Variants in AHDC1 observed in about 807,000 individuals in gnomAD.
AHDC1 encodes transcription factor Gibbin.
A neutral mutation model predicts 87.9 loss-of-function variants in AHDC1; 7 were observed. The ratio of observed to expected loss-of-function variants is 0.08; its 90% CI spans 0.05 to 0.15. AHDC1 has a LOEUF of 0.15. Among genes scored for constraint, AHDC1 ranks in the 10% least tolerant of loss-of-function variants. AHDC1 has a pLI of 1.00. For missense variants in AHDC1, 1,841 were observed against 2,253.2 expected, an observed-to-expected ratio of 0.82 and a Z score of 3.70; for synonymous variants, 1,051 against 1,006.8, an observed-to-expected ratio of 1.04 and a Z score of -0.83.
At chr1:27,592,704 T>G (rs551535731) in intron 3 of AHDC1, among the ~76,000 whole-genome samples, 2 of 152,038 alleles carry the variant, frequency 1.3e-5, no homozygotes, top group East Asian at 1.9e-4. Context: ...CTGGACTCGG[T>G]TGCTCCATCT....
At chr1:27,541,405 G>A (rs555805697) in intron 8 of AHDC1, among the ~76,000 whole-genome samples, 7 of 151,920 alleles carry the variant, frequency 4.6e-5, no homozygotes. Flanking sequence ...TGCAACCTCC[G>A]GCTCCAGGGT....
chr1:27,580,901 C>A (rs1417499659), intron 3 of AHDC1, among the ~76,000 whole-genome samples: 1 of 151,864 alleles, frequency 6.6e-6, no homozygotes, highest in Non-Finnish European at 1.5e-5. Context: ...GTGGTGCCAT[C>A]TCAGCTCATT....
In AHDC1 at chr1:27,595,272, T is replaced by G. The variant is rs903239919; in HGVS notation, c.-629+8125A>C. On this transcript the variant is annotated intron_variant, in intron 3 of 8. Coordinates refer to ENST00000673934, the MANE Select transcript of AHDC1 (RefSeq NM_001371928.1). This position sits in a 1 kb window ranked among gnomAD's most constrained non-coding sequence, Gnocchi z 4.0. ...GGGATGATACCGGTGTTTGGGGAAG[T>G]GCTGAGCTATAGCTGGGAGAAACGT... is the stretch of plus-strand genomic sequence containing the variant. Among the ~76,000 whole-genome samples the G allele has an allele frequency of 6.6e-6, 1 of 151,626 alleles. No individual in the cohort carries two copies. Among genetic ancestry groups the G allele is most frequent in the Non-Finnish European group, 1.5e-5 (1 of 67,902 alleles).
chr1:27,591,097 G>A (rs902403374), intron 3 of AHDC1, among the ~76,000 whole-genome samples: 1 of 152,220 alleles, frequency 6.6e-6, no homozygotes, highest in African/African-American at 2.4e-5. Context: ...CCATCCATCA[G>A]CTGTTGCCAG....
At chr1:27,577,489 T>G (rs2088788497) in intron 3 of AHDC1, among the ~76,000 whole-genome samples, 1 of 151,960 alleles carries the variant, frequency 6.6e-6, no homozygotes, top group East Asian at 1.9e-4. Flanking sequence ...AGACTCAGCC[T>G]AGCCTCAGAG....
intron 3 of AHDC1, among the ~76,000 whole-genome samples, chr1:27,584,163 C>CA (rs949062512): frequency 2.3e-4 from 35 of 152,212 alleles, no homozygotes; most frequent in African/African-American, 7.7e-4. Context: ...AAGCAGCTCC[C>CA]AGGGGCTGGG....
intron 3 of AHDC1, among the ~76,000 whole-genome samples, chr1:27,585,336 T>A (rs2089024050): frequency 6.6e-6 from 1 of 150,418 alleles, no homozygotes; most frequent in Non-Finnish European, 1.5e-5. Context: ...AAAGGGCGGC[T>A]CCACCACATA....
chr1:27,597,312 G>A (rs984759682), intron 3 of AHDC1, among the ~76,000 whole-genome samples: 1 of 152,076 alleles, frequency 6.6e-6, no homozygotes, highest in African/African-American at 2.4e-5. Context: ...GAGTGTGAGG[G>A]TGGAGATTTA....
rs777509926 is a variant in AHDC1 at position 27,551,471 on chromosome 1, A to T, written c.645T>A (p.Ser215Arg). 18 of 1,609,924 alleles carry T rather than the reference A, an allele frequency of 1.1e-5. No homozygotes were observed. In the Admixed American group the frequency reaches 3.0e-4, roughly 27 times the overall value. ...RDSPQPGQGH[S>R]PGATAAATGL... is the part of the protein sequence containing the mutation. The stretch of plus-strand genomic sequence containing the variant: ...CCGTGGCCGCAGCCGTGGCTCCGGG[A>T]CTATGGCCTTGGCCAGGCTGGGGAC... Residue 215 changes from serine (S) to arginine (R), a missense_variant, in exon 8 of 9, where the codon AGT (serine) becomes AGA (arginine). Physicochemically the swap from Ser to Arg is moderately radical, Grantham distance 110. Transcript: ENST00000673934.
At chr1:27,537,393 G>A (rs1362015296) in intron 8 of AHDC1, among the ~76,000 whole-genome samples, 1 of 152,200 alleles carries the variant, frequency 6.6e-6, no homozygotes, top group Non-Finnish European at 1.5e-5. Flanking sequence ...GCCACGGAAG[G>A]TCCTGGGGAG....
At chr1:27,540,788 G>C (rs2018869540) in intron 8 of AHDC1, among the ~76,000 whole-genome samples, 2 of 151,638 alleles carry the variant, frequency 1.3e-5, no homozygotes, top group African/African-American at 4.8e-5. Context: ...GATCGGGGCT[G>C]AAAAAAAGGT....
rs917691384 is a variant in AHDC1, at chr1:27,562,963, G to A, written c.-628-4080C>T. ...GGATGAACTAAGCACATAACCTGTC[G>A]CTTCCTCCAAACATGAGATGGGCAC... On this transcript the variant is annotated intron_variant, in intron 3 of 8. Coordinates refer to ENST00000673934, the MANE Select transcript of AHDC1 (RefSeq NM_001371928.1). This position sits in a 1 kb window ranked among gnomAD's most constrained non-coding sequence, Gnocchi z 4.4. Among the ~76,000 whole-genome samples the A allele has an allele frequency of 1.3e-5, 2 of 152,044 alleles. No individual in the cohort carries two copies. Among genetic ancestry groups the A allele is most frequent in the East Asian group, 3.9e-4 (2 of 5,180 alleles).
intron 3 of AHDC1, among the ~76,000 whole-genome samples, chr1:27,574,572 A>G (rs1435702348): frequency 1.3e-5 from 2 of 152,152 alleles, no homozygotes; most frequent in East Asian, 3.9e-4. Context: ...AAGCGTGCCT[A>G]TCCCGACTGC....
Position 27,549,781 on chromosome 1 carries a change from G to A in AHDC1, c.2335C>T (p.His779Tyr), listed in dbSNP as rs1452255439. The A allele has an allele frequency of 2.5e-6, 4 of 1,613,182 alleles. No homozygotes were observed. The highest frequency in any genetic ancestry group is 4.5e-5 in the East Asian group (2 of 44,874). Residue 779 changes from histidine (H) to tyrosine (Y), a missense_variant, in exon 8 of 9, where the codon CAC becomes TAC. By Grantham distance (83) the His-to-Tyr change is moderately conservative (BLOSUM62 2). This residue lies in a region of AHDC1 where 236 missense variants were observed against 257.9 expected (regional missense o/e 0.92). Transcript: ENST00000673934. ...GCTTGTCCGCCTGGGTGCCCATGGTGAGGGGCCCAGCCACCACCCTTATCC... is the reference window on the plus strand; with the variant it reads ...GCTTGTCCGCCTGGGTGCCCATGGTAAGGGGCCCAGCCACCACCCTTATCC... ...AGDKGGGWAP[H>Y]HGHPGGQAGR...
In AHDC1 at chr1:27,558,894, A is replaced by G; in HGVS notation, c.-628-11T>C. 2.5e-6 allele frequency: 1 copy of G among 398,658 alleles called. No individual in the cohort carries two copies. Among genetic ancestry groups the G allele is most frequent in the East Asian group, 3.6e-5 (1 of 28,076 alleles). 24.7% of individuals were successfully genotyped at this position (398,658 alleles called of 1,614,324 possible). A position where few individuals can be genotyped will look rare whatever the true frequency, so the allele number is the denominator to read the frequency against. ...CAGGCAAGCTCCCATCTGTGGAAGC[A>G]AACACAGCACCACAGAGATAAGCAT... On this transcript the variant is annotated splice_polypyrimidine_tract_variant and intron_variant, in intron 3 of 8. Transcript: ENST00000673934. This position sits in a 1 kb window ranked among gnomAD's most constrained non-coding sequence, Gnocchi z 5.6.
Position 27,589,205 on chromosome 1 carries a change from G to A in AHDC1, c.-629+14192C>T, listed in dbSNP as rs1171367947. Among the ~76,000 whole-genome samples the A allele has an allele frequency of 2.0e-5, 3 of 152,156 alleles. No individual in the cohort carries two copies. In the East Asian group the frequency reaches 5.8e-4, roughly 29 times the overall value. ...AGGCGCCAGATTACCATGTCCCTAG[G>A]CAGGGAGGTCGAGGACGAGGCCCAG... On this transcript the variant is annotated intron_variant, in intron 3 of 8. Transcript: ENST00000673934.
chr1:27,557,975 C>CAT (rs1053517988), intron 5 of AHDC1, among the ~76,000 whole-genome samples: 2 of 152,246 alleles, frequency 1.3e-5, no homozygotes, highest in African/African-American at 4.8e-5. Flanking sequence ...GCCTCGCATC[C>CAT]TCCCACAGCT....
chr1:27,555,615 A>G, intron 5 of AHDC1, among the ~76,000 whole-genome samples: 1 of 152,130 alleles, frequency 6.6e-6, no homozygotes, highest in East Asian at 1.9e-4. Flanking sequence ...CACAAACGAG[A>G]AAAGGGGCTC....
In AHDC1 at chr1:27,593,681, C is replaced by T. The variant is rs2089289723; in HGVS notation, c.-629+9716G>A. On this transcript the variant is annotated intron_variant, in intron 3 of 8. Coordinates refer to ENST00000673934, the MANE Select transcript of AHDC1 (RefSeq NM_001371928.1). The surrounding 1 kb of genome is among the most constrained non-coding windows in gnomAD (Gnocchi z 4.9). The stretch of plus-strand genomic sequence containing the variant: ...GGGCTTTGCTGCCAGAACCTGGCTG[C>T]CCCACCTCTGCTCTGAACCCCTCCC... Among the ~76,000 whole-genome samples, 1 of 152,242 alleles carries T rather than the reference C, an allele frequency of 6.6e-6. No individual in the cohort carries two copies. The highest frequency in any genetic ancestry group is 1.5e-5 in the Non-Finnish European group (1 of 68,032).
Sources: allele counts gnomAD v4.1 joint callset (sites outside exome capture counted in the v4.1 genomes callset), GRCh38; gene constraint gnomAD v4.1.1; regional missense constraint gnomAD v4.1.1; non-coding constraint Gnocchi (gnomAD v3.1); transcripts MANE v1.5; gene names NCBI Gene and HGNC (gene_info 2026-07-23, HGNC 2026-07-21).